Variants in PKIG observed in about 807,000 individuals in gnomAD.
The protein encoded by PKIG is cAMP-dependent protein kinase inhibitor gamma.
In PKIG, 1 loss-of-function variant was observed where a neutral mutation model predicts 6.8. The observed-to-expected ratio is 0.15, with a 90% CI of 0.05 to 0.69. PKIG has a LOEUF of 0.69. Among genes scored for constraint, PKIG ranks in the 30% least tolerant of loss-of-function variants. The pLI, the probability that PKIG is intolerant of heterozygous loss-of-function variation, is 0.82. For synonymous variants in PKIG, 39 were observed against 43.0 expected, an observed-to-expected ratio of 0.91 and a Z score of 0.36; for missense variants, 77 against 104.0, an observed-to-expected ratio of 0.74 and a Z score of 1.13.
At position 44,613,774 on chromosome 20, in the gene PKIG, C is replaced by T. The variant is rs150505910; in HGVS notation, c.-23-760C>T. ...CCTTCCCAGCACTGCTGTGCCCGGC[C>T]GCCACAGTCACCTTTGAAAATGCAC... On this transcript the variant is annotated intron_variant, in intron 2 of 3. Coordinates refer to ENST00000372886, the MANE Select transcript of PKIG (RefSeq NM_001281445.2). Among the ~76,000 whole-genome samples, 610 of 152,282 alleles carry T rather than the reference C, an allele frequency of 4.0e-3. 4 individuals carry two copies. Among genetic ancestry groups the T allele is most frequent in the South Asian group, 7.9e-3 (38 of 4,828 alleles).
At chr20:44,567,003 C>T (rs936990791) in intron 1 of PKIG, among the ~76,000 whole-genome samples, 3 of 152,118 alleles carry the variant, frequency 2.0e-5, no homozygotes, top group African/African-American at 7.2e-5. Context: ...GTCTGCATTC[C>T]CTTCTGGTTT....
chr20:44,618,504 G>T lies in PKIG; in HGVS notation c.*140G>T. 1.6e-6 allele frequency: 1 copy of T among 641,764 alleles called. No homozygotes were observed. Among genetic ancestry groups the T allele is most frequent in the Non-Finnish European group, 2.8e-6 (1 of 358,854 alleles). 39.8% of individuals were successfully genotyped at this position (641,764 alleles called of 1,614,324 possible). A position where few individuals can be genotyped will look rare whatever the true frequency, so the allele number is the denominator to read the frequency against. Reference sequence around the variant, plus strand: ...GCCAGACTGAGAAGGCTCCCCAGAGGCCTCTGTGGCCTCCACTCCGGGAAA... The same window carrying T: ...GCCAGACTGAGAAGGCTCCCCAGAGTCCTCTGTGGCCTCCACTCCGGGAAA... On this transcript the variant is annotated 3_prime_UTR_variant, in exon 4 of 4. Coordinates refer to ENST00000372886, the MANE Select transcript of PKIG (RefSeq NM_001281445.2).
chr20:44,535,732 T>C (rs2064506967), intron 1 of PKIG, among the ~76,000 whole-genome samples: 1 of 152,224 alleles, frequency 6.6e-6, no homozygotes, highest in African/African-American at 2.4e-5. Context: ...CGGTACAGTA[T>C]GTTACTGTTT....
intron 1 of PKIG, among the ~76,000 whole-genome samples, chr20:44,561,422 A>C (rs796664852): frequency 6.6e-6 from 1 of 152,330 alleles, no homozygotes; most frequent in African/African-American, 2.4e-5. Context: ...ACCAAAACAT[A>C]TAATAATCAA....
chr20:44,609,685 A>C (rs1363842812), intron 2 of PKIG, among the ~76,000 whole-genome samples: 1 of 152,232 alleles, frequency 6.6e-6, no homozygotes, highest in Non-Finnish European at 1.5e-5. Context: ...GGAAAAATCC[A>C]GACCAAATTC....
At chr20:44,574,292 G>A (rs149951221) in intron 1 of PKIG, among the ~76,000 whole-genome samples, 58 of 151,998 alleles carry the variant, frequency 3.8e-4, no homozygotes, top group African/African-American at 4.6e-4. Context: ...CCTTTTAGGC[G>A]TTTGATCTAG....
intron 1 of PKIG, among the ~76,000 whole-genome samples, chr20:44,534,797 A>G (rs2064498176): frequency 6.6e-6 from 1 of 152,106 alleles, no homozygotes; most frequent in Non-Finnish European, 1.5e-5. Flanking sequence ...GAATAATGTG[A>G]TGTTTACAAC....
At chr20:44,554,388 A>G in intron 1 of PKIG, among the ~76,000 whole-genome samples, 1 of 152,276 alleles carries the variant, frequency 6.6e-6, no homozygotes, top group South Asian at 2.1e-4. Context: ...GGCCTAAAAA[A>G]TTTTTTAATC....
intron 1 of PKIG, among the ~76,000 whole-genome samples, chr20:44,551,220 A>AT (rs1338359978): frequency 6.6e-6 from 1 of 151,928 alleles, no homozygotes; most frequent in Non-Finnish European, 1.5e-5. Context: ...CGCCTGGCTA[A>AT]TTTTTTTGTA....
At position 44,602,169 on chromosome 20, in the gene PKIG, T is replaced by G. The variant is rs541923575; in HGVS notation, c.-24+12303T>G. ...GAGGAAAAGAAAGAGCTTCATTCTT[T>G]AGCACCCTGTAGGGCTCAGGCTGAG... On this transcript the variant is annotated intron_variant, in intron 2 of 3. Transcript: ENST00000372886. 2.0e-5 allele frequency among the ~76,000 whole-genome samples: 3 copies of G among 152,338 alleles called. No homozygotes were observed. In the South Asian group the frequency reaches 6.2e-4, roughly 32 times the overall value.
chr20:44,557,870 T>G (rs2064728748), intron 1 of PKIG, among the ~76,000 whole-genome samples: 2 of 151,790 alleles, frequency 1.3e-5, no homozygotes, highest in Non-Finnish European at 2.9e-5. Flanking sequence ...GAGTATATGG[T>G]ACAAACATGA....
At chr20:44,584,083 T>C (rs1459745673) in intron 1 of PKIG, among the ~76,000 whole-genome samples, 1 of 152,200 alleles carries the variant, frequency 6.6e-6, no homozygotes, top group African/African-American at 2.4e-5. Context: ...CTAGGCCCTA[T>C]GTTATGCTCA....
chr20:44,568,194 G>A (rs1040894261), intron 1 of PKIG, among the ~76,000 whole-genome samples: 1 of 152,154 alleles, frequency 6.6e-6, no homozygotes, highest in Non-Finnish European at 1.5e-5. Flanking sequence ...TTATAAGTCA[G>A]TGTATGCACA....
chr20:44,542,605 G>T (rs780239772), intron 1 of PKIG, among the ~76,000 whole-genome samples: 1 of 149,858 alleles, frequency 6.7e-6, no homozygotes, highest in Non-Finnish European at 1.5e-5. Flanking sequence ...TATTTTTTTC[G>T]AGATGGAGTC....
At chr20:44,548,929 G>A (rs2064643080) in intron 1 of PKIG, among the ~76,000 whole-genome samples, 1 of 150,198 alleles carries the variant, frequency 6.7e-6, no homozygotes, top group South Asian at 2.1e-4. Flanking sequence ...ATAATAATTA[G>A]ATACTGTGGG....
chr20:44,582,118 A>G (rs928049256), upstream of PKIG, among the ~76,000 whole-genome samples: 2 of 152,148 alleles, frequency 1.3e-5, no homozygotes, highest in African/African-American at 4.8e-5. Flanking sequence ...TACTGTGCCC[A>G]GCATGTACCT....
intron 2 of PKIG, among the ~76,000 whole-genome samples, chr20:44,605,201 C>T (rs1189561899): frequency 2.0e-5 from 3 of 151,796 alleles, no homozygotes; most frequent in Non-Finnish European, 4.4e-5. Context: ...GCCAGGAGAT[C>T]GAGACCATCC....
chr20:44,611,076 G>A (rs929516807), intron 2 of PKIG, among the ~76,000 whole-genome samples: 4 of 141,414 alleles, frequency 2.8e-5, no homozygotes, highest in Non-Finnish European at 4.5e-5. Flanking sequence ...TTTTTGAGAC[G>A]GAGTCTCGCT....
At chr20:44,557,890 C>T (rs1489817983) in intron 1 of PKIG, among the ~76,000 whole-genome samples, 1 of 151,966 alleles carries the variant, frequency 6.6e-6, no homozygotes, top group Non-Finnish European at 1.5e-5. Context: ...AGACTTGGTG[C>T]TCTTTTGGAT....
Sources: gnomAD v4.1 joint callset for allele counts (sites outside exome capture counted in the v4.1 genomes callset) on GRCh38, gnomAD v4.1.1 for gene constraint, MANE v1.5 for transcripts, NCBI Gene and HGNC (gene_info 2026-07-23, HGNC 2026-07-21) for gene names.